Variants in GRK1 observed in about 807,000 individuals in gnomAD.
GRK1 encodes the protein G protein-coupled receptor kinase 1.
Under a neutral mutation model 41.7 loss-of-function variants are expected in GRK1, and 28 were observed. The observed-to-expected ratio is 0.67, with a 90% CI of 0.50 to 0.92. The LOEUF is 0.92. GRK1 is among the 40% of genes least tolerant of loss of function. The pLI, the probability that GRK1 is intolerant of heterozygous loss-of-function variation, is 0.00. For synonymous variants in GRK1, 327 were observed against 286.7 expected, an observed-to-expected ratio of 1.14 and a Z score of -1.42; for missense variants, 703 against 671.2, an observed-to-expected ratio of 1.05 and a Z score of -0.52.
rs775191935 is a variant in GRK1, at chr13:113,671,524, G to T, written c.853G>T (p.Glu285Ter). Residue 285 changes from glutamate to a stop codon, truncating the protein, a stop_gained, in exon 3 of 7, where the codon GAG (glutamate) becomes TAG (stop). Coordinates refer to ENST00000335678, the MANE Select transcript of GRK1 (RefSeq NM_002929.3). LOFTEE classifies it high-confidence loss of function. The surrounding 1 kb of genome is among the most constrained non-coding windows in gnomAD (Gnocchi z 4.1). ...IRYHIYNVNE[E>*]NPGFPEPRAL... ...GTACCACATCTACAACGTGAATGAG[G>T]AGAACCCTGGCTTCCCGGAGCCGCG... 1 of 779,456 alleles carries T rather than the reference G, an allele frequency of 1.3e-6. No individual in the cohort carries two copies. The highest frequency in any genetic ancestry group is 1.7e-5 in the Admixed American group (1 of 59,040). 48.3% of individuals were successfully genotyped at this position (779,456 alleles called of 1,614,324 possible). A position where few individuals can be genotyped will look rare whatever the true frequency, so the allele number is the denominator to read the frequency against.
At chr13:113,658,056 A>T in the GRK1 span, 3 of 1,607,652 alleles carry the variant, frequency 1.9e-6, no homozygotes, top group Non-Finnish European at 2.5e-6. Context: ...GGTGCGGCCC[A>T]GCATCTGCCC....
the GRK1 span, among the ~76,000 whole-genome samples, chr13:113,657,262 C>T: frequency 8.5e-5 from 13 of 152,298 alleles, no homozygotes; most frequent in South Asian, 2.1e-4. Flanking sequence ...CCCTGGGAGC[C>T]GGGGACGGCA....
chr13:113,727,618 A>G (rs1459784462), intron 4 of GRK1, among the ~76,000 whole-genome samples: 5 of 148,144 alleles, frequency 3.4e-5, no homozygotes, highest in African/African-American at 5.0e-5. Flanking sequence ...ACCCATGGCG[A>G]TGAGGACCCA....
chr13:113,663,330 C>A (rs1415653436), upstream of GRK1, among the ~76,000 whole-genome samples: 2 of 152,186 alleles, frequency 1.3e-5, no homozygotes, highest in African/African-American at 4.8e-5. Context: ...CTTAAACCTT[C>A]TATAAAAAGT....
chr13:113,659,063 G>T, the GRK1 span, among the ~76,000 whole-genome samples: 1 of 152,198 alleles, frequency 6.6e-6, no homozygotes, highest in Non-Finnish European at 1.5e-5. Context: ...CAGGGCCGGG[G>T]CAGGGACCAT....
intron 6 of GRK1, among the ~76,000 whole-genome samples, chr13:113,733,818 T>C (rs1412267402): frequency 3.7e-5 from 5 of 136,278 alleles, no homozygotes; most frequent in African/African-American, 1.4e-4. Context: ...TGCATACGTG[T>C]GTGCGTGTGT....
At chr13:113,655,004 G>A in the GRK1 span, 2 of 1,598,692 alleles carry the variant, frequency 1.3e-6, no homozygotes, top group Admixed American at 1.7e-5. Context: ...ACAATTCGGT[G>A]GCCTTGAGCG....
chr13:113,671,491 T>G lies in GRK1; in HGVS notation c.828-8T>G, dbSNP rs2049856439. The G allele has an allele frequency of 1.3e-6, 1 of 778,892 alleles. No individual in the cohort carries two copies. The highest frequency in any genetic ancestry group is 1.7e-5 in the African/African-American group (1 of 59,176). The allele number at this position is 778,892 out of a possible 1,614,324, so 48.2% of individuals were successfully genotyped here. On this transcript the variant is annotated splice_polypyrimidine_tract_variant and splice_region_variant and intron_variant, in intron 2 of 6. Coordinates refer to ENST00000335678, the MANE Select transcript of GRK1 (RefSeq NM_002929.3). The surrounding 1 kb of genome is among the most constrained non-coding windows in gnomAD (Gnocchi z 4.1). ...CGGGGTGCATGGTTCCCACGTGTCT[T>G]CCCCCAGGTACCACATCTACAACGT...
chr13:113,657,661 G>C, the GRK1 span, among the ~76,000 whole-genome samples: 1 of 152,272 alleles, frequency 6.6e-6, no homozygotes, highest in Non-Finnish European at 1.5e-5. Flanking sequence ...AGGTCATTGC[G>C]TGAATCTGTG....
At chr13:113,669,046 G>A (rs971060144) in intron 1 of GRK1, among the ~76,000 whole-genome samples, 1 of 152,186 alleles carries the variant, frequency 6.6e-6, no homozygotes, top group Admixed American at 6.5e-5. Flanking sequence ...TTCCCCCACC[G>A]TGCCATTCAC....
chr13:113,728,452 G>A (rs377039780), intron 4 of GRK1, among the ~76,000 whole-genome samples: 2 of 144,950 alleles, frequency 1.4e-5, no homozygotes, highest in Admixed American at 6.8e-5. Context: ...TACCCATGGC[G>A]AGGAGTACCC....
chr13:113,724,789 G>T (rs2049880844), intron 4 of GRK1, among the ~76,000 whole-genome samples: 1 of 152,240 alleles, frequency 6.6e-6, no homozygotes, highest in Non-Finnish European at 1.5e-5. Context: ...GCCTCTTTCT[G>T]GGTGGGTAGA....
the GRK1 span, chr13:113,649,341 G>A: frequency 3.6e-4 from 568 of 1,571,490 alleles, 6 homozygotes; most frequent in South Asian, 6.1e-3. This position sits in a 1 kb window ranked among gnomAD's most constrained non-coding sequence, Gnocchi z 4.7. Flanking sequence ...GAGCGACCCC[G>A]CAGGCGTGCC....
chr13:113,665,350 G>C (rs944228905), upstream of GRK1, among the ~76,000 whole-genome samples: 1 of 148,898 alleles, frequency 6.7e-6, no homozygotes, highest in Non-Finnish European at 1.5e-5. Flanking sequence ...CAGGTGTGTT[G>C]CAGGTGTGTC....
At chr13:113,734,047 CATACGTGTGTGTGCAT>C (rs2049983184) in intron 6 of GRK1, among the ~76,000 whole-genome samples, 1 of 142,346 alleles carries the variant, frequency 7.0e-6, no homozygotes, top group Non-Finnish European at 1.5e-5. Flanking sequence ...TGTGTGTGTG[CATACGTGTGTGTGCAT>C]GTGTGTGCGT....
At chr13:113,734,191 A>AG (rs2049985449) in intron 6 of GRK1, among the ~76,000 whole-genome samples, 2 of 152,224 alleles carry the variant, frequency 1.3e-5, no homozygotes, top group African/African-American at 4.8e-5. Context: ...ACAGGGCCAC[A>AG]GGTGACCAGG....
At chr13:113,670,871 T>C (rs1183698243) in intron 2 of GRK1, among the ~76,000 whole-genome samples, 1 of 150,324 alleles carries the variant, frequency 6.7e-6, no homozygotes, top group Non-Finnish European at 1.5e-5. Flanking sequence ...AGGGGAGGGG[T>C]GCTAGGAAGC....
At chr13:113,733,199 A>G in intron 6 of GRK1, 114 bp downstream of exon 6, 1 of 1,047,458 alleles carries the variant, frequency 9.5e-7, no homozygotes. Context: ...TCAGACCCCC[A>G]AGGCTCTCCC....
intron 6 of GRK1, among the ~76,000 whole-genome samples, chr13:113,733,712 CGCACGTGTGTGT>C (rs1412201334): frequency 1.8e-4 from 19 of 107,964 alleles, no homozygotes; most frequent in East Asian, 3.4e-4. Context: ...TGCGTGTGTG[CGCACGTGTGTGT>C]GCGCGCGTGT....
Sources: gnomAD v4.1 joint callset for allele counts (sites outside exome capture counted in the v4.1 genomes callset) on GRCh38, gnomAD v4.1.1 for gene constraint, Gnocchi (gnomAD v3.1) non-coding constraint, MANE v1.5 for transcripts, NCBI Gene and HGNC (gene_info 2026-07-23, HGNC 2026-07-21) for gene names.